Variants in GINS1 observed in about 807,000 individuals in gnomAD.
The protein encoded by GINS1 is DNA replication complex GINS protein PSF1.
Under a neutral mutation model 34.9 loss-of-function variants are expected in GINS1, and 26 were observed. The observed-to-expected ratio is 0.74, with a 90% CI of 0.55 to 1.03. The LOEUF (loss-of-function observed/expected upper bound fraction) is 1.03, where lower values mean the gene tolerates loss of function less well. Among genes scored for constraint, GINS1 ranks in the 50% least tolerant of loss-of-function variants. The pLI, the probability that GINS1 is intolerant of heterozygous loss-of-function variation, is 0.00. For missense variants in GINS1, 235 were observed against 237.9 expected (o/e 0.99, Z 0.08); for synonymous variants, 97 against 84.4 (o/e 1.15, Z -0.82).
At position 25,407,769 on chromosome 20, in the gene GINS1, T is replaced by G; in HGVS notation, c.-52T>G. On this transcript the variant is annotated 5_prime_UTR_variant, in exon 1 of 7. Transcript: ENST00000262460. ...AGGCGCCGAGAGCCCAGATACCATT[T>G]TGGCGTGAGAGCTGGTGGTTGGCAA... 7.1e-7 allele frequency: 1 copy of G among 1,399,340 alleles called. No individual in the cohort carries two copies. The highest frequency in any genetic ancestry group is 1.0e-6 in the Non-Finnish European group (1 of 985,494). The allele number at this position is 1,399,340 out of a possible 1,614,324, so 86.7% of individuals were successfully genotyped here.
intron 5 of GINS1, among the ~76,000 whole-genome samples, chr20:25,429,280 C>T (rs914501108): frequency 2.4e-4 from 37 of 152,108 alleles, no homozygotes; most frequent in African/African-American, 6.8e-4. Flanking sequence ...TGAGCCACCA[C>T]GCCCGGCCCC....
intron 4 of GINS1, among the ~76,000 whole-genome samples, chr20:25,421,242 C>T (rs1291038017): frequency 2.6e-5 from 4 of 152,098 alleles, no homozygotes; most frequent in Admixed American, 6.5e-5. Flanking sequence ...GAAAATAATG[C>T]ATATTAAAAT....
chr20:25,432,907 A>C (rs1407316626), intron 5 of GINS1, among the ~76,000 whole-genome samples: 1 of 148,946 alleles, frequency 6.7e-6, no homozygotes, highest in South Asian at 2.1e-4. Flanking sequence ...ATATTCTATA[A>C]TATATAATAG....
At chr20:25,445,391 A>T (rs1452158962) in intron 6 of GINS1, among the ~76,000 whole-genome samples, 5 of 149,092 alleles carry the variant, frequency 3.4e-5, no homozygotes, top group Non-Finnish European at 7.4e-5. Flanking sequence ...CTGTTGCCCA[A>T]GCTGGAGTGC....
At chr20:25,433,995 A>G (rs989177733) in intron 5 of GINS1, among the ~76,000 whole-genome samples, 5 of 152,078 alleles carry the variant, frequency 3.3e-5, no homozygotes, top group African/African-American at 1.2e-4. Flanking sequence ...AAAACAAAAA[A>G]TAGGGGCTGG....
intron 5 of GINS1, among the ~76,000 whole-genome samples, chr20:25,433,379 T>C (rs1463708845): frequency 7.9e-5 from 12 of 152,174 alleles, no homozygotes; most frequent in Admixed American, 7.9e-4. Context: ...CCAAGATCCA[T>C]GGATGCTCAA....
At chr20:25,429,632 G>A (rs2090416155) in intron 5 of GINS1, among the ~76,000 whole-genome samples, 1 of 152,200 alleles carries the variant, frequency 6.6e-6, no homozygotes, top group Admixed American at 6.5e-5. Flanking sequence ...CGTTGTTAGT[G>A]TATAGAAATG....
rs1393627036 is a variant in GINS1 at position 25,425,272 on chromosome 20, A to G, written c.392A>G (p.Asp131Gly). 4 of 1,575,896 alleles carry G rather than the reference A, an allele frequency of 2.5e-6. No individual in the cohort carries two copies. The South Asian group carries it at 3.3e-5, about 13-fold the overall frequency. Reference protein sequence around the residue: ...LATYMRSLGGDEGLDITQDMK... With the variant: ...LATYMRSLGGGEGLDITQDMK... ...ACTTATATGAGGTCACTGGGAGGAGATGAAGGTTTGGACATTACACAGGAT... is the reference window on the plus strand; with the variant it reads ...ACTTATATGAGGTCACTGGGAGGAGGTGAAGGTTTGGACATTACACAGGAT... Residue 131 changes from aspartate (D) to glycine (G), a missense_variant, in exon 5 of 7, where the codon GAT becomes GGT. By Grantham distance (94) the Asp-to-Gly change is moderately conservative. Coordinates refer to ENST00000262460, the MANE Select transcript of GINS1 (RefSeq NM_021067.5).
Position 25,414,189 on chromosome 20 carries a change from C to CAAAAA in GINS1, c.140+354_140+358dup, listed in dbSNP as rs58400500. On this transcript the variant is annotated intron_variant, in intron 2 of 6. Transcript: ENST00000262460. Reference sequence around the variant, plus strand: ...TGGCGATAGGGCAAGACTCTGTCTCCAAAAAAAAAAAAAAAAAAAAAAAGA... The same window carrying CAAAAA: ...TGGCGATAGGGCAAGACTCTGTCTCCAAAAAAAAAAAAAAAAAAAAAAAAAAAAGA... Among the ~76,000 whole-genome samples, 153 of 67,584 alleles carry CAAAAA rather than the reference C, an allele frequency of 2.3e-3. 3 individuals carry two copies. The highest frequency in any genetic ancestry group is 7.5e-3 in the African/African-American group (135 of 18,016). 44.3% of individuals were successfully genotyped at this position (67,584 alleles called of 152,430 possible).
intron 5 of GINS1, 43 bp downstream of exon 5, chr20:25,425,370 A>C (rs748389797): frequency 4.5e-5 from 36 of 806,536 alleles, no homozygotes; most frequent in Non-Finnish European, 7.3e-5. Flanking sequence ...TAATGTGTAA[A>C]TTGTGCTACC....
In GINS1 at chr20:25,446,177, A is replaced by G. The variant is rs2090511458; in HGVS notation, c.*186A>G. ...AAGGACTTTCTTTTTTTAATGTTGT[A>G]CACTATTCTTCCTACTCTTTTTTGG... is the stretch of plus-strand genomic sequence containing the variant. On this transcript the variant is annotated 3_prime_UTR_variant, in exon 7 of 7. Transcript: ENST00000262460. 3 of 452,900 alleles carry G rather than the reference A, an allele frequency of 6.6e-6. No homozygotes were observed. In the South Asian group the frequency reaches 1.6e-4, roughly 24 times the overall value. 28.1% of individuals were successfully genotyped at this position (452,900 alleles called of 1,614,324 possible). A position where few individuals can be genotyped will look rare whatever the true frequency, so the allele number is the denominator to read the frequency against.
intron 2 of GINS1, among the ~76,000 whole-genome samples, chr20:25,415,082 T>C (rs1218802936): frequency 6.6e-6 from 1 of 152,234 alleles, no homozygotes; most frequent in African/African-American, 2.4e-5. Flanking sequence ...TGAGGTTTCC[T>C]CTTTGGGCTT....
At chr20:25,417,929 C>T (rs952610615) in intron 3 of GINS1, among the ~76,000 whole-genome samples, 176 bp from the exon 4 acceptor site, 1 of 152,190 alleles carries the variant, frequency 6.6e-6, no homozygotes, top group Non-Finnish European at 1.5e-5. Context: ...GTGCTGCTGT[C>T]ACACGTGGAG....
At chr20:25,420,175 T>C (rs2090346324) in intron 4 of GINS1, among the ~76,000 whole-genome samples, 1 of 151,956 alleles carries the variant, frequency 6.6e-6, no homozygotes, top group African/African-American at 2.4e-5. Context: ...GCTCTGTTGC[T>C]CCAGCTGGAG....
At chr20:25,414,992 C>T (rs367650113) in intron 2 of GINS1, among the ~76,000 whole-genome samples, 11 of 152,272 alleles carry the variant, frequency 7.2e-5, no homozygotes, top group African/African-American at 2.2e-4. Flanking sequence ...TGACAAACTT[C>T]GTATGTTCCT....
intron 4 of GINS1, among the ~76,000 whole-genome samples, chr20:25,423,755 T>A (rs6050603): frequency 0.84 from 127,605 of 151,024 alleles, 54,180 homozygotes; most frequent in African/African-American, 0.92. Context: ...CTGGGACTAC[T>A]GGCGCCCGCC....
Position 25,422,016 on chromosome 20 carries a change from G to A in GINS1, c.331-3195G>A, listed in dbSNP as rs77310464. On this transcript the variant is annotated intron_variant, in intron 4 of 6. Transcript: ENST00000262460. Reference sequence around the variant, plus strand: ...AAAACAATGCAGTTTTTACCACCTTGGCATACATACCTTTTAAATCTTTTA... The same window carrying A: ...AAAACAATGCAGTTTTTACCACCTTAGCATACATACCTTTTAAATCTTTTA... Among the ~76,000 whole-genome samples, 280 of 151,364 alleles carry A rather than the reference G, an allele frequency of 1.8e-3. 2 individuals are homozygous for A. Among genetic ancestry groups the A allele is most frequent in the East Asian group, 0.012 (64 of 5,180 alleles).
At chr20:25,432,960 A>G (rs950942646) in intron 5 of GINS1, among the ~76,000 whole-genome samples, 11 of 151,118 alleles carry the variant, frequency 7.3e-5, no homozygotes, top group African/African-American at 2.7e-4. Context: ...AAAGTCCATT[A>G]TAGCTAATAT....
chr20:25,436,522 TTA>T (rs1376540310), intron 5 of GINS1, among the ~76,000 whole-genome samples: 3 of 152,196 alleles, frequency 2.0e-5, no homozygotes, highest in Non-Finnish European at 2.9e-5. Context: ...TTCTTCAGAC[TTA>T]GTCATTTCTG....
Sources: gnomAD v4.1 joint callset for allele counts (sites outside exome capture counted in the v4.1 genomes callset) on GRCh38, gnomAD v4.1.1 for gene constraint, MANE v1.5 for transcripts, NCBI Gene and HGNC (gene_info 2026-07-23, HGNC 2026-07-21) for gene names.